The following FBXL20 variants were observed in gnomAD, a reference collection of about 807,000 sequenced individuals.
FBXL20 encodes F-box/LRR-repeat protein 20.
In FBXL20, 11 loss-of-function variants were observed where a neutral mutation model predicts 64.0. The ratio of observed to expected loss-of-function variants is 0.17; its 90% CI spans 0.11 to 0.28. The LOEUF (loss-of-function observed/expected upper bound fraction) is 0.28. Ranked by LOEUF, FBXL20 falls within the 10% of genes least tolerant of loss-of-function variation. FBXL20 has a pLI of 1.00. For synonymous variants in FBXL20, 184 were observed against 189.0 expected, an observed-to-expected ratio of 0.97 and a Z score of 0.22; for missense variants, 303 against 526.2, an observed-to-expected ratio of 0.58 and a Z score of 4.15.
intron 3 of FBXL20, 33 bp downstream of exon 3, chr17:39,303,552 G>T: frequency 6.3e-7 from 1 of 1,583,784 alleles, no homozygotes; most frequent in Non-Finnish European, 8.6e-7. Flanking sequence ...TATGAAGAAG[G>T]GGTCCCCCTG....
At chr17:39,369,806 T>A (rs899762933) in intron 1 of FBXL20, among the ~76,000 whole-genome samples, 9 of 152,186 alleles carry the variant, frequency 5.9e-5, no homozygotes, top group African/African-American at 2.2e-4. Context: ...CACTACTTTT[T>A]AAATTTTTCT....
intron 1 of FBXL20, among the ~76,000 whole-genome samples, chr17:39,347,375 C>A (rs370328728): frequency 6.6e-6 from 1 of 152,116 alleles, no homozygotes; most frequent in South Asian, 2.1e-4. Flanking sequence ...TTTTAATGAT[C>A]GCCATTCTAA....
At chr17:39,295,317 A>G (rs1446958211) in intron 6 of FBXL20, among the ~76,000 whole-genome samples, 1 of 152,136 alleles carries the variant, frequency 6.6e-6, no homozygotes. Context: ...TCTAGGCTGG[A>G]ATACAGTAGT....
intron 8 of FBXL20, among the ~76,000 whole-genome samples, chr17:39,281,684 CATCAA>C (rs2046951734): frequency 6.6e-6 from 1 of 152,100 alleles, no homozygotes; most frequent in African/African-American, 2.4e-5. Context: ...TTCACATAAT[CATCAA>C]ATCAAGAACA....
At chr17:39,389,712 G>A (rs2048117594) in intron 1 of FBXL20, among the ~76,000 whole-genome samples, 1 of 152,208 alleles carries the variant, frequency 6.6e-6, no homozygotes, top group African/African-American at 2.4e-5. Context: ...CAACTACTCA[G>A]GAGGCTGAGG....
At chr17:39,333,414 C>T (rs887996775) in intron 2 of FBXL20, among the ~76,000 whole-genome samples, 6 of 152,216 alleles carry the variant, frequency 3.9e-5, no homozygotes, top group African/African-American at 9.6e-5. Context: ...CCCGAGGTGC[C>T]GGGACTGCAG....
At chr17:39,327,300 A>C (rs1482447371) in intron 2 of FBXL20, among the ~76,000 whole-genome samples, 1 of 152,216 alleles carries the variant, frequency 6.6e-6, no homozygotes, top group Non-Finnish European at 1.5e-5. Flanking sequence ...GACAAAAAGC[A>C]AACAAAAAAG....
chr17:39,393,885 A>T (rs1036685176), intron 1 of FBXL20, among the ~76,000 whole-genome samples: 3 of 152,256 alleles, frequency 2.0e-5, no homozygotes, highest in Non-Finnish European at 4.4e-5. Context: ...TTATACAACT[A>T]AGCAAGATGA....
At position 39,299,553 on chromosome 17, in the gene FBXL20, G is replaced by C. The variant is rs1021038660; in HGVS notation, c.235-469C>G. Among the ~76,000 whole-genome samples, 8 of 146,280 alleles carry C rather than the reference G, an allele frequency of 5.5e-5. No individual in the cohort carries two copies. The East Asian group carries it at 1.0e-3, about 19-fold the overall frequency. ...TCCCAGCACTTTGGGAGGCCGAGGCGGGTGGATCACGAGGTCAGGAGATCA... is the reference window on the plus strand; with the variant it reads ...TCCCAGCACTTTGGGAGGCCGAGGCCGGTGGATCACGAGGTCAGGAGATCA... On this transcript the variant is annotated intron_variant, in intron 4 of 14. Transcript: ENST00000264658.
intron 1 of FBXL20, among the ~76,000 whole-genome samples, chr17:39,387,017 G>A (rs1380297552): frequency 1.3e-5 from 2 of 152,146 alleles, no homozygotes; most frequent in East Asian, 1.9e-4. Flanking sequence ...CCTGACTTAC[G>A]ATGGTTTAAC....
rs1555612710 is a variant in FBXL20 at position 39,363,819 on chromosome 17, A to AAAAAC, written c.43-20579_43-20578insGTTTT. Among the ~76,000 whole-genome samples, 81 of 133,752 alleles carry AAAAAC rather than the reference A, an allele frequency of 6.1e-4. 3 individuals are homozygous for AAAAAC. The highest frequency in any genetic ancestry group is 8.3e-4 in the African/African-American group (27 of 32,444). The allele number at this position is 133,752 out of a possible 152,430, so 87.7% of individuals were successfully genotyped here. A position where few individuals can be genotyped will look rare whatever the true frequency, so the allele number is the denominator to read the frequency against. On this transcript the variant is annotated intron_variant, in intron 1 of 14. Coordinates refer to ENST00000264658, the MANE Select transcript of FBXL20 (RefSeq NM_032875.3). ...GAGCAAGACTTTATCTCAAAAAAAA[A>AAAAAC]AAAAAAACAAAAAACAAAAAAAAAA...
rs1402777591 is a variant in FBXL20 at position 39,261,544 on chromosome 17, G to A, written c.1227C>T (p.Val409=). Residue 409 remains valine, a synonymous_variant, in exon 15 of 15, where the codon GTC becomes GTT. Transcript: ENST00000264658. ...GAGTGACAGGTGCGAAGTAGGCGTG[G>A]ACTTTAATATTGGGTAAATGGGTCT... ...RLRTHLPNIK[V]HAYFAPVTPP... is the part of the protein sequence containing the mutation. 1.9e-6 allele frequency: 3 copies of A among 1,613,558 alleles called. No homozygotes were observed. Among genetic ancestry groups the A allele is most frequent in the Non-Finnish European group, 2.5e-6 (3 of 1,179,686 alleles).
chr17:39,391,825 T>A (rs1054123081), intron 1 of FBXL20, among the ~76,000 whole-genome samples: 3 of 151,986 alleles, frequency 2.0e-5, no homozygotes, highest in Non-Finnish European at 2.9e-5. Context: ...TCTTTTTCTT[T>A]TCCGCAACTA....
At chr17:39,338,171 C>A (rs2047547479) in intron 2 of FBXL20, among the ~76,000 whole-genome samples, 1 of 152,180 alleles carries the variant, frequency 6.6e-6, no homozygotes. Context: ...ACATGGGAGA[C>A]TTTTCATTTT....
intron 2 of FBXL20, among the ~76,000 whole-genome samples, chr17:39,328,048 G>GC (rs2047424858): frequency 6.6e-6 from 1 of 151,976 alleles, no homozygotes; most frequent in African/African-American, 2.4e-5. Flanking sequence ...AGGAGTTTGA[G>GC]ACCAGCCTGG....
At chr17:39,398,359 C>T in intron 1 of FBXL20, among the ~76,000 whole-genome samples, 1 of 152,150 alleles carries the variant, frequency 6.6e-6, no homozygotes, top group East Asian at 1.9e-4. Flanking sequence ...CAGTGTCTGT[C>T]ATGCAGGAAG....
At chr17:39,349,875 G>A (rs1597812770) in intron 1 of FBXL20, among the ~76,000 whole-genome samples, 1 of 151,558 alleles carries the variant, frequency 6.6e-6, no homozygotes, top group East Asian at 2.0e-4. Context: ...GGCGGAGCTT[G>A]CAGTGAGCAG....
intron 1 of FBXL20, among the ~76,000 whole-genome samples, chr17:39,352,679 T>TG (rs1430584317): frequency 1.6e-4 from 18 of 114,070 alleles, no homozygotes; most frequent in African/African-American, 3.4e-4. Context: ...AAGCTCTGTC[T>TG]GGGAAAAAAA....
chr17:39,285,171 T>A (rs1597774790), intron 7 of FBXL20, among the ~76,000 whole-genome samples: 1 of 152,194 alleles, frequency 6.6e-6, no homozygotes, highest in South Asian at 2.1e-4. Context: ...CCCAAAATGC[T>A]GGGATTACAG....
Sources: allele counts gnomAD v4.1 joint callset (sites outside exome capture counted in the v4.1 genomes callset), GRCh38; gene constraint gnomAD v4.1.1; transcripts MANE v1.5; gene names NCBI Gene and HGNC (gene_info 2026-07-23, HGNC 2026-07-21).